ARHGAP27: variants seen among roughly 807,000 people sequenced by gnomAD.
ARHGAP27 encodes rho GTPase-activating protein 27.
A neutral mutation model predicts 102.0 loss-of-function variants in ARHGAP27; 53 were observed. That is an observed-to-expected ratio of 0.52 (90% CI 0.42 to 0.65). The LOEUF is 0.65. Among genes scored for constraint, ARHGAP27 ranks in the 30% least tolerant of loss-of-function variants. The pLI, the probability that ARHGAP27 is intolerant of heterozygous loss-of-function variation, is 0.00. For missense variants in ARHGAP27, 1,117 were observed against 1,256.2 expected (o/e 0.89, Z 1.68); for synonymous variants, 525 against 542.8 (o/e 0.97, Z 0.46).
chr17:45,410,988 CG>C (rs2047847405), intron 4 of ARHGAP27, among the ~76,000 whole-genome samples: 1 of 152,106 alleles, frequency 6.6e-6, no homozygotes, highest in South Asian at 2.1e-4. Flanking sequence ...CCTCCAGACT[CG>C]GTCACCAAGA....
chr17:45,405,635 C>T (rs777406378), intron 5 of ARHGAP27, 41 bp downstream of exon 5: 9 of 1,534,782 alleles, frequency 5.9e-6, no homozygotes, highest in East Asian at 2.3e-5. Context: ...GGATCAGAGG[C>T]GCTCAGAGGT....
At chr17:45,432,653 C>T (rs2050138796) in intron 1 of ARHGAP27, 99 bp downstream of exon 1, 1 of 150,998 alleles carries the variant, frequency 6.6e-6, no homozygotes, top group African/African-American at 2.4e-5. Context: ...ACCTGCCGCA[C>T]CCTTCCCTTC....
chr17:45,396,140 G>A (rs1392483113), intron 17 of ARHGAP27, 23 bp from the exon 18 acceptor site: 1 of 1,602,736 alleles, frequency 6.2e-7, no homozygotes, highest in Non-Finnish European at 8.5e-7. Flanking sequence ...AAGGGAGGAG[G>A]ACGGAAGGGA....
At chr17:45,402,895 G>A (rs56061413) in intron 11 of ARHGAP27, 77 bp from the exon 12 acceptor site, 7 of 1,275,678 alleles carry the variant, frequency 5.5e-6, no homozygotes, top group African/African-American at 3.0e-5. Context: ...CCTAGGAATA[G>A]GATGGGGTCA....
At chr17:45,420,386 A>T (rs2048913752) in intron 4 of ARHGAP27, among the ~76,000 whole-genome samples, 1 of 152,246 alleles carries the variant, frequency 6.6e-6, no homozygotes, top group African/African-American at 2.4e-5. Flanking sequence ...ATACATAATT[A>T]TACTAGTTTG....
rs1325387323 is a variant in ARHGAP27, at chr17:45,404,915, TG to T, written c.1248+8del. The T allele has an allele frequency of 1.9e-6, 3 of 1,614,020 alleles. No homozygotes were observed. Among genetic ancestry groups the T allele is most frequent in the Non-Finnish European group, 2.5e-6 (3 of 1,180,004 alleles). ...AGGCTGTCCGGGTCCATCTGCCCCCTGCCCCTACCTGCTCCTGAGTGAAGTG... is the reference window on the plus strand; with the variant it reads ...AGGCTGTCCGGGTCCATCTGCCCCCTCCCCTACCTGCTCCTGAGTGAAGTG... On this transcript the variant is annotated splice_region_variant and intron_variant, in intron 6 of 19. Coordinates refer to ENST00000685559, the MANE Select transcript of ARHGAP27 (RefSeq NM_001282290.2).
chr17:45,398,070 G>C, intron 12 of ARHGAP27, 23 bp from the exon 13 acceptor site: 1 of 1,582,106 alleles, frequency 6.3e-7, no homozygotes, highest in Non-Finnish European at 8.6e-7. Context: ...AAGTCAGTGG[G>C]TCATCTCTGG....
At position 45,396,049 on chromosome 17, in the gene ARHGAP27, A is replaced by G; in HGVS notation, c.2320T>C (p.Phe774Leu). The G allele has an allele frequency of 6.2e-7, 1 of 1,613,946 alleles. No homozygotes were observed. Among genetic ancestry groups the G allele is most frequent in the African/African-American group, 1.3e-5 (1 of 75,040 alleles). ...VHVITGALKL[F>L]FRELPEPLFP... is the part of the protein sequence containing the mutation. Reference sequence around the variant, plus strand: ...AGGGGCTCGGGCAGCTCCCGAAAGAAGAGCTTCAGGGCTCCGGTGATAACG... The same window carrying G: ...AGGGGCTCGGGCAGCTCCCGAAAGAGGAGCTTCAGGGCTCCGGTGATAACG... Residue 774 changes from phenylalanine to leucine, a missense_variant, in exon 18 of 20, where the codon TTC becomes CTC. Physicochemically the swap from Phe to Leu is conservative, Grantham distance 22. This residue lies in a region of ARHGAP27 where 493 missense variants were observed against 505.5 expected (regional missense o/e 0.98). Coordinates refer to ENST00000685559, the MANE Select transcript of ARHGAP27 (RefSeq NM_001282290.2).
intron 4 of ARHGAP27, among the ~76,000 whole-genome samples, chr17:45,424,054 T>C (rs1446270837): frequency 6.6e-6 from 1 of 152,220 alleles, no homozygotes; most frequent in Admixed American, 6.5e-5. Context: ...TTCCTCTCTC[T>C]GGCCCAGTCC....
intron 4 of ARHGAP27, among the ~76,000 whole-genome samples, chr17:45,424,587 A>G (rs2049363909): frequency 6.6e-6 from 1 of 152,102 alleles, no homozygotes; most frequent in Non-Finnish European, 1.5e-5. Context: ...AGGGCAGAGA[A>G]AACAGGTCTA....
chr17:45,397,162 C>T, intron 13 of ARHGAP27, 138 bp from the exon 14 acceptor site: 1 of 1,454,376 alleles, frequency 6.9e-7, no homozygotes, highest in South Asian at 1.4e-5. Context: ...TTCCCTTAAC[C>T]AGGTTAACTC....
intron 4 of ARHGAP27, among the ~76,000 whole-genome samples, chr17:45,420,371 AT>A (rs1171665173): frequency 6.6e-6 from 1 of 152,186 alleles, no homozygotes; most frequent in Non-Finnish European, 1.5e-5. Flanking sequence ...AAATTAAGTA[AT>A]CAGATACATA....
Position 45,395,452 on chromosome 17 carries a change from G to A in ARHGAP27, c.*4C>T, listed in dbSNP as rs2045480215. On this transcript the variant is annotated 3_prime_UTR_variant, in exon 20 of 20. Coordinates refer to ENST00000685559, the MANE Select transcript of ARHGAP27 (RefSeq NM_001282290.2). ...CGGCCGCCGCCCCAGTCACAGGCCA[G>A]CAGTCAGTGCGGCGGGAAGATGTCC... 1 of 1,561,086 alleles carries A rather than the reference G, an allele frequency of 6.4e-7. No homozygotes were observed. Among genetic ancestry groups the A allele is most frequent in the Non-Finnish European group, 8.7e-7 (1 of 1,152,584 alleles).
chr17:45,405,192 T>G (rs955532165), intron 5 of ARHGAP27, 86 bp from the exon 6 acceptor site: 1 of 1,406,484 alleles, frequency 7.1e-7, no homozygotes, highest in Admixed American at 2.5e-5. Context: ...CCCACCCCCT[T>G]GCCTTCTGGT....
chr17:45,413,730 T>A (rs1016833615), intron 4 of ARHGAP27, among the ~76,000 whole-genome samples: 2 of 152,074 alleles, frequency 1.3e-5, no homozygotes, highest in East Asian at 1.9e-4. Context: ...GGGTGGGGCA[T>A]CCTCAGGGCT....
chr17:45,423,028 A>G (rs1176052316), intron 4 of ARHGAP27, among the ~76,000 whole-genome samples: 1 of 152,122 alleles, frequency 6.6e-6, no homozygotes, highest in Non-Finnish European at 1.5e-5. Context: ...TAAAAATACA[A>G]AAATTAGCCC....
At chr17:45,406,425 C>T (rs1000058743) in intron 4 of ARHGAP27, among the ~76,000 whole-genome samples, 4 of 152,154 alleles carry the variant, frequency 2.6e-5, no homozygotes, top group African/African-American at 4.8e-5. Context: ...CTGTCCATTC[C>T]GGAAACTGTA....
rs953112113 is a variant in ARHGAP27, at chr17:45,430,821, CT to C, written c.-18-525del. On this transcript the variant is annotated intron_variant, in intron 3 of 19. Transcript: ENST00000685559. The surrounding 1 kb of genome is among the most constrained non-coding windows in gnomAD (Gnocchi z 4.4). The stretch of plus-strand genomic sequence containing the variant: ...CTCCAGCAGCTTGCGCCCCGACCCC[CT>C]GGTCAGAGTTGGAATGTGGGCTCTG... 1.3e-5 allele frequency among the ~76,000 whole-genome samples: 2 copies of C among 152,240 alleles called. No homozygotes were observed. The highest frequency in any genetic ancestry group is 4.8e-5 in the African/African-American group (2 of 41,540).
chr17:45,430,604 C>G lies in ARHGAP27; in HGVS notation c.-18-307G>C, dbSNP rs1460152602. On this transcript the variant is annotated intron_variant, in intron 3 of 19. Transcript: ENST00000685559. This position sits in a 1 kb window ranked among gnomAD's most constrained non-coding sequence, Gnocchi z 4.4. ...TGGTCCAAATCGACTGCGAGGGAAG[C>G]CTTGGCTTTAAAACGAGGGGTGATT... Among the ~76,000 whole-genome samples the G allele has an allele frequency of 1.3e-5, 2 of 152,146 alleles. No homozygotes were observed. Among genetic ancestry groups the G allele is most frequent in the Non-Finnish European group, 2.9e-5 (2 of 68,014 alleles).
Sources: gnomAD v4.1 joint callset for allele counts (sites outside exome capture counted in the v4.1 genomes callset) on GRCh38, gnomAD v4.1.1 for gene constraint, gnomAD v4.1.1 regional missense constraint, Gnocchi (gnomAD v3.1) non-coding constraint, MANE v1.5 for transcripts, NCBI Gene and HGNC (gene_info 2026-07-23, HGNC 2026-07-21) for gene names.